CRCP: variants seen among roughly 807,000 people sequenced by gnomAD.
CRCP encodes the protein CGRP receptor component, also known as DNA-directed RNA polymerase III subunit RPC9.
In CRCP, 18 loss-of-function variants were observed where a neutral mutation model predicts 18.5. The ratio of observed to expected loss-of-function variants is 0.97; its 90% CI spans 0.67 to 1.44. The LOEUF (loss-of-function observed/expected upper bound fraction) is 1.44. CRCP is among the 40% of genes most tolerant of loss of function. The pLI, the probability that CRCP is intolerant of heterozygous loss-of-function variation, is 0.00. For synonymous variants in CRCP, 53 were observed against 62.9 expected (o/e 0.84, Z 0.75); for missense variants, 130 against 176.4 (o/e 0.74, Z 1.49).
At chr7:66,135,955 G>A (rs1056361931) in intron 4 of CRCP, among the ~76,000 whole-genome samples, 1 of 152,080 alleles carries the variant, frequency 6.6e-6, no homozygotes, top group African/African-American at 2.4e-5. Context: ...TGGAGTCCCA[G>A]TTTGTATGAC....
chr7:66,116,040 C>T (rs1787251198), intron 1 of CRCP, among the ~76,000 whole-genome samples: 1 of 152,102 alleles, frequency 6.6e-6, no homozygotes, highest in East Asian at 1.9e-4. Context: ...CTCAAGTGAT[C>T]CTCCTGCTTT....
intron 3 of CRCP, among the ~76,000 whole-genome samples, chr7:66,132,185 A>G (rs1010292716): frequency 6.6e-6 from 1 of 152,220 alleles, no homozygotes; most frequent in Admixed American, 6.6e-5. Flanking sequence ...AGAAATTAAC[A>G]TTGGTACATA....
chr7:66,152,343 G>T lies in CRCP; in HGVS notation c.433G>T (p.Glu145Ter), dbSNP rs542449271. The stretch of plus-strand genomic sequence containing the variant: ...AAACAGCAATGTGGCAATGGACGAA[G>T]AGGACCCAGCATAGAAGAGCACAGC... ...NTNSNVAMDEEDPA is the reference protein window; with the variant it reads ...NTNSNVAMDE Residue 145 changes from glutamate to a stop codon, truncating the protein, a stop_gained, in exon 6 of 6, where the codon GAG becomes TAG. Coordinates refer to ENST00000395326, the MANE Select transcript of CRCP (RefSeq NM_014478.5). LOFTEE classifies it high-confidence loss of function. 1 of 1,613,968 alleles carries T rather than the reference G, an allele frequency of 6.2e-7. No homozygotes were observed. Among genetic ancestry groups the T allele is most frequent in the African/African-American group, 1.3e-5 (1 of 74,938 alleles).
At chr7:66,115,032 C>CTGAG in intron 1 of CRCP, 62 bp downstream of exon 1, 1 of 1,581,286 alleles carries the variant, frequency 6.3e-7, no homozygotes, top group Non-Finnish European at 8.6e-7. Flanking sequence ...CCGCTGAGAG[C>CTGAG]TGAGAGCCGA....
intron 4 of CRCP, among the ~76,000 whole-genome samples, chr7:66,141,487 T>C (rs1366377667): frequency 6.6e-6 from 1 of 152,094 alleles, no homozygotes; most frequent in Admixed American, 6.6e-5. Flanking sequence ...TTTTGAGGCC[T>C]GGGTGAGGAC....
intron 5 of CRCP, among the ~76,000 whole-genome samples, chr7:66,147,862 C>T (rs751864336): frequency 7.2e-5 from 11 of 151,986 alleles, no homozygotes; most frequent in African/African-American, 1.2e-4. Flanking sequence ...AATTCAAAAC[C>T]AGCCTGGGCA....
At chr7:66,128,128 A>AG (rs200014034) in intron 2 of CRCP, among the ~76,000 whole-genome samples, 1 of 149,412 alleles carries the variant, frequency 6.7e-6, no homozygotes, top group African/African-American at 2.5e-5. Flanking sequence ...AAAAAAAAAA[A>AG]GAAAGAAAGA....
intron 2 of CRCP, chr7:66,128,860 A>AT (rs1787697347): frequency 6.6e-6 from 1 of 152,202 alleles, no homozygotes; most frequent in South Asian, 2.1e-4. Context: ...TTGACTGTGA[A>AT]TTTTCCATGT....
chr7:66,140,520 T>C (rs1788104309), intron 4 of CRCP, among the ~76,000 whole-genome samples: 1 of 152,034 alleles, frequency 6.6e-6, no homozygotes, highest in African/African-American at 2.4e-5. Context: ...TTCGGCCTCC[T>C]GAGTAGCTGG....
intron 3 of CRCP, among the ~76,000 whole-genome samples, 164 bp downstream of exon 3, chr7:66,131,006 G>A (rs1787785716): frequency 1.3e-5 from 2 of 152,064 alleles, no homozygotes; most frequent in Non-Finnish European, 2.9e-5. Context: ...ACAGAGTCTC[G>A]CTCTGTCGCC....
intron 1 of CRCP, among the ~76,000 whole-genome samples, chr7:66,120,976 T>G (rs547327029): frequency 2.2e-4 from 34 of 152,080 alleles, no homozygotes; most frequent in African/African-American, 7.9e-4. Context: ...ACAGCTCCCC[T>G]AAGTTTTTGC....
At chr7:66,134,571 A>C in intron 4 of CRCP, 197 bp downstream of exon 4, 1 of 443,904 alleles carries the variant, frequency 2.3e-6, no homozygotes, top group Non-Finnish European at 4.0e-6. Flanking sequence ...TTATAAATGA[A>C]GAAAGTTCAT....
chr7:66,134,447 G>A (rs1412333943), intron 4 of CRCP, 73 bp downstream of exon 4: 2 of 1,072,354 alleles, frequency 1.9e-6, no homozygotes, highest in Non-Finnish European at 1.4e-6. Context: ...TAGCAACCGT[G>A]TATTGATATT....
intron 5 of CRCP, among the ~76,000 whole-genome samples, chr7:66,146,456 A>AAAG (rs201632610): frequency 2.0e-5 from 3 of 152,152 alleles, no homozygotes; most frequent in Non-Finnish European, 4.4e-5. Flanking sequence ...TAAAAAAAAA[A>AAAG]AAGAAGAAGA....
At chr7:66,123,384 T>C (rs1787509612) in intron 1 of CRCP, among the ~76,000 whole-genome samples, 2 of 152,260 alleles carry the variant, frequency 1.3e-5, no homozygotes, top group South Asian at 4.1e-4. Context: ...AGACAGTTCC[T>C]GCTTTGTAGA....
intron 2 of CRCP, among the ~76,000 whole-genome samples, chr7:66,129,318 G>A (rs1584073520): frequency 1.3e-5 from 2 of 152,108 alleles, no homozygotes; most frequent in African/African-American, 2.4e-5. Flanking sequence ...GGGCGACAGC[G>A]AGACTCCGTC....
At chr7:66,136,907 G>A (rs558788828) in intron 4 of CRCP, among the ~76,000 whole-genome samples, 18 of 151,446 alleles carry the variant, frequency 1.2e-4, no homozygotes, top group African/African-American at 3.6e-4. Context: ...GTGAAACCCC[G>A]TCTCTACTAA....
chr7:66,136,890 C>T (rs1418815632), intron 4 of CRCP, among the ~76,000 whole-genome samples: 2 of 151,156 alleles, frequency 1.3e-5, no homozygotes, highest in Non-Finnish European at 3.0e-5. Flanking sequence ...CCATCCTGGC[C>T]AACATGGTGA....
At chr7:66,133,858 C>CTTTTTTTTTTTTTTTT (rs751345422) in intron 3 of CRCP, among the ~76,000 whole-genome samples, 1 of 96,718 alleles carries the variant, frequency 1.0e-5, no homozygotes, top group African/African-American at 4.3e-5. Context: ...TTTTTGTTTT[C>CTTTTTTTTTTTTTTTT]TTTTTTTTTT....
Sources: allele counts gnomAD v4.1 joint callset (sites outside exome capture counted in the v4.1 genomes callset), GRCh38; gene constraint gnomAD v4.1.1; transcripts MANE v1.5; gene names NCBI Gene and HGNC (gene_info 2026-07-23, HGNC 2026-07-21).